Variants in DACH1 observed in about 807,000 individuals in gnomAD.
DACH1 encodes the protein dachshund family transcription factor 1, also known as dachshund homolog 1.
In DACH1, 12 loss-of-function variants were observed where a neutral mutation model predicts 54.2. The ratio of observed to expected loss-of-function variants is 0.22; its 90% CI spans 0.14 to 0.36. The LOEUF (loss-of-function observed/expected upper bound fraction) is 0.36, where lower values mean the gene tolerates loss of function less well. Among genes scored for constraint, DACH1 ranks in the 10% least tolerant of loss-of-function variants. The pLI is 1.00. For synonymous variants in DACH1, 386 were observed against 366.2 expected (o/e 1.05, Z -0.62); for missense variants, 805 against 929.8 (o/e 0.87, Z 1.75).
intron 6 of DACH1, among the ~76,000 whole-genome samples, chr13:71,523,844 A>C (rs1881769892): frequency 6.6e-6 from 1 of 152,150 alleles, no homozygotes; most frequent in Non-Finnish European, 1.5e-5. Flanking sequence ...AAAAGAACTC[A>C]TTCTATTCTA....
At chr13:71,691,147 G>A (rs987682668) in intron 1 of DACH1, among the ~76,000 whole-genome samples, 6 of 152,094 alleles carry the variant, frequency 3.9e-5, no homozygotes, top group African/African-American at 1.2e-4. Flanking sequence ...GGAAATGGTC[G>A]ACCATCATTC....
At chr13:71,561,976 C>T (rs1884611519) in intron 4 of DACH1, among the ~76,000 whole-genome samples, 2 of 150,640 alleles carry the variant, frequency 1.3e-5, no homozygotes, top group South Asian at 2.1e-4. Flanking sequence ...AAAAAAAGCG[C>T]TATAAGAAGC....
At chr13:71,660,023 T>C (rs1879387866) in intron 2 of DACH1, among the ~76,000 whole-genome samples, 1 of 152,148 alleles carries the variant, frequency 6.6e-6, no homozygotes, top group Non-Finnish European at 1.5e-5. Context: ...AAGAGAATAA[T>C]ATTTTGGTCA....
intron 1 of DACH1, among the ~76,000 whole-genome samples, chr13:71,765,152 C>T (rs1885566335): frequency 6.6e-6 from 1 of 152,150 alleles, no homozygotes; most frequent in African/African-American, 2.4e-5. Flanking sequence ...GCAACATTTC[C>T]ATGAATTTGT....
At chr13:71,795,480 G>A (rs1887007869) in intron 1 of DACH1, among the ~76,000 whole-genome samples, 1 of 152,018 alleles carries the variant, frequency 6.6e-6, no homozygotes. Flanking sequence ...AGGGAGGGCT[G>A]GTAACTCTTT....
intron 6 of DACH1, among the ~76,000 whole-genome samples, chr13:71,540,912 A>G (rs1171764406): frequency 6.6e-6 from 1 of 151,962 alleles, no homozygotes; most frequent in Non-Finnish European, 1.5e-5. Flanking sequence ...TTTATCTATT[A>G]ACCCATAAAC....
At chr13:71,600,290 A>G (rs1283929493) in intron 3 of DACH1, among the ~76,000 whole-genome samples, 3 of 152,126 alleles carry the variant, frequency 2.0e-5, no homozygotes, top group African/African-American at 4.8e-5. Flanking sequence ...CATAAACAAA[A>G]GTTATATTCA....
Position 71,726,603 on chromosome 13 carries a change from C to A in DACH1, c.849-44693G>T, listed in dbSNP as rs188086415. On this transcript the variant is annotated intron_variant, in intron 1 of 10. Coordinates refer to ENST00000613252, the MANE Select transcript of DACH1 (RefSeq NM_080759.6). ...AAAGTGAATTAAAGAGGTAACTATT[C>A]CACAGGAGTATACATCATTTCAGTT... Among the ~76,000 whole-genome samples the A allele has an allele frequency of 2.0e-3, 300 of 152,000 alleles. 1 individual carries two copies. The highest frequency in any genetic ancestry group is 6.9e-3 in the African/African-American group (288 of 41,538).
At chr13:71,577,888 T>A (rs1425876652) in intron 3 of DACH1, among the ~76,000 whole-genome samples, 1 of 152,180 alleles carries the variant, frequency 6.6e-6, no homozygotes, top group African/African-American at 2.4e-5. Flanking sequence ...CCAATTATAG[T>A]CTTAGTCCAA....
intron 1 of DACH1, among the ~76,000 whole-genome samples, chr13:71,758,204 AT>A (rs539609634): frequency 1.7e-4 from 26 of 152,226 alleles, no homozygotes; most frequent in African/African-American, 6.3e-4. Context: ...AATTGTCAGG[AT>A]TTTTTTAGAG....
At chr13:71,563,189 A>G (rs929372440) in intron 4 of DACH1, among the ~76,000 whole-genome samples, 27 of 152,070 alleles carry the variant, frequency 1.8e-4, no homozygotes, top group African/African-American at 6.5e-4. Context: ...TATAAAGAGA[A>G]TTTTCTAAAT....
intron 1 of DACH1, among the ~76,000 whole-genome samples, chr13:71,688,294 A>T (rs1362150223): frequency 4.6e-5 from 7 of 152,238 alleles, no homozygotes; most frequent in Non-Finnish European, 8.8e-5. Flanking sequence ...CTGATTTGGA[A>T]TCCTCAGTTT....
At chr13:71,749,751 T>C (rs1884838539) in intron 1 of DACH1, among the ~76,000 whole-genome samples, 1 of 152,154 alleles carries the variant, frequency 6.6e-6, no homozygotes, top group African/African-American at 2.4e-5. Context: ...TACCATTCTG[T>C]GAACCCGACT....
Position 71,685,894 on chromosome 13 carries a change from T to G in DACH1, c.849-3984A>C, listed in dbSNP as rs548504065. 2.1e-4 allele frequency among the ~76,000 whole-genome samples: 32 copies of G among 152,272 alleles called. No homozygotes were observed. In the South Asian group the frequency reaches 6.4e-3, roughly 31 times the overall value. On this transcript the variant is annotated intron_variant, in intron 1 of 10. Transcript: ENST00000613252. ...ATTAAATCAGGATTTCTTTAAGAAG[T>G]GTTTTGTATCTTTGTTAGAAATAAG...
intron 1 of DACH1, among the ~76,000 whole-genome samples, chr13:71,707,639 G>T (rs1458500835): frequency 6.6e-6 from 1 of 152,134 alleles, no homozygotes; most frequent in Admixed American, 6.5e-5. Flanking sequence ...ATTAAGAGAG[G>T]ATAATTTGTA....
intron 6 of DACH1, among the ~76,000 whole-genome samples, chr13:71,506,359 T>C (rs1241915749): frequency 6.9e-6 from 1 of 145,486 alleles, no homozygotes; most frequent in Non-Finnish European, 1.5e-5. Flanking sequence ...ATTGTTCAAT[T>C]CCCACCTATG....
chr13:71,530,072 A>G (rs1227186487), intron 6 of DACH1, among the ~76,000 whole-genome samples: 1 of 152,214 alleles, frequency 6.6e-6, no homozygotes, highest in African/African-American at 2.4e-5. Context: ...CATATGAAAT[A>G]AACACAAAAT....
intron 3 of DACH1, among the ~76,000 whole-genome samples, chr13:71,610,918 C>A (rs149786058): frequency 1.7e-3 from 257 of 152,254 alleles, no homozygotes; most frequent in African/African-American, 5.8e-3. Context: ...TTTTTCTGAT[C>A]ATTTGTTTAA....
At chr13:71,561,078 G>A (rs955425606) in intron 4 of DACH1, among the ~76,000 whole-genome samples, 6 of 152,126 alleles carry the variant, frequency 3.9e-5, no homozygotes, top group Admixed American at 3.3e-4. Flanking sequence ...AAAACAAATA[G>A]GAGGTTCCAG....
Sources: gnomAD v4.1 joint callset for allele counts (sites outside exome capture counted in the v4.1 genomes callset) on GRCh38, gnomAD v4.1.1 for gene constraint, MANE v1.5 for transcripts, NCBI Gene and HGNC (gene_info 2026-07-23, HGNC 2026-07-21) for gene names.